Variants in DLG1 observed in about 807,000 individuals in gnomAD.
DLG1 encodes the protein discs large MAGUK scaffold protein 1.
Under a neutral mutation model 123.4 loss-of-function variants are expected in DLG1, and 42 were observed. That is an observed-to-expected ratio of 0.34 (90% confidence interval 0.27 to 0.44). The LOEUF is 0.44. Ranked by LOEUF, DLG1 falls within the 20% of genes least tolerant of loss-of-function variation. The pLI, the probability that DLG1 is intolerant of heterozygous loss-of-function variation, is 1.00. For missense variants in DLG1, 942 were observed against 1,082.6 expected, an observed-to-expected ratio of 0.87 and a Z score of 1.82; for synonymous variants, 317 against 356.2, an observed-to-expected ratio of 0.89 and a Z score of 1.24.
rs558369517 is a variant in DLG1 at position 197,112,575 on chromosome 3, C to T, written c.1443+3352G>A. Reference sequence around the variant, plus strand: ...ATATTTTTTACCACTGTGTGGCTTGCCTATTTGGTTTTTTTCTTTCTTTTT... The same window carrying T: ...ATATTTTTTACCACTGTGTGGCTTGTCTATTTGGTTTTTTTCTTTCTTTTT... On this transcript the variant is annotated intron_variant, in intron 13 of 24. Coordinates refer to ENST00000667157, the MANE Select transcript of DLG1 (RefSeq NM_001366207.1). Among the ~76,000 whole-genome samples, 9 of 151,732 alleles carry T rather than the reference C, an allele frequency of 5.9e-5. 1 individual carries two copies. Among genetic ancestry groups the T allele is most frequent in the Admixed American group, 4.6e-4 (7 of 15,222 alleles).
intron 5 of DLG1, chr3:197,183,960 CA>C: frequency 7.0e-7 from 1 of 1,427,762 alleles, no homozygotes. Context: ...CTCATTTTCT[CA>C]GTGATTTCTT....
chr3:197,135,734 C>T (rs193143295), intron 10 of DLG1, among the ~76,000 whole-genome samples: 4 of 152,030 alleles, frequency 2.6e-5, no homozygotes, highest in Admixed American at 1.3e-4. Context: ...ATGAAAGTCT[C>T]ATACAGTGCA....
chr3:197,252,662 G>A lies in DLG1; in HGVS notation c.318+30017C>T, dbSNP rs116332662. Reference sequence around the variant, plus strand: ...GCAAGATGAAAAGAGTCTGTAGATGGATAGTGGTAACGGCTGCATTTCACA... The same window carrying A: ...GCAAGATGAAAAGAGTCTGTAGATGAATAGTGGTAACGGCTGCATTTCACA... On this transcript the variant is annotated intron_variant, in intron 4 of 24. Coordinates refer to ENST00000667157, the MANE Select transcript of DLG1 (RefSeq NM_001366207.1). 5.4e-3 allele frequency among the ~76,000 whole-genome samples: 828 copies of A among 152,284 alleles called. 7 individuals carry two copies. Among genetic ancestry groups the A allele is most frequent in the African/African-American group, 0.019 (793 of 41,560 alleles).
In DLG1 at chr3:197,136,582, T is replaced by C. The variant is rs764460628; in HGVS notation, c.980A>G (p.His327Arg). ...TCCAATCTGAAGTTTGCCATCCTTATGTGCTGCACCTCCTTCAATTATTTT... is the reference window on the plus strand; with the variant it reads ...TCCAATCTGAAGTTTGCCATCCTTACGTGCTGCACCTCCTTCAATTATTTT... ...VTKIIEGGAAHKDGKLQIGDK... is the reference protein window; with the variant it reads ...VTKIIEGGAARKDGKLQIGDK... The change falls in exon 10 of 25, where the codon CAT becomes CGT. Residue 327 changes from histidine (H) to arginine (R), a missense_variant. Physicochemically the swap from His to Arg is conservative, Grantham distance 29. Transcript: ENST00000667157. The C allele has an allele frequency of 4.3e-6, 7 of 1,613,388 alleles. No individual in the cohort carries two copies. Among genetic ancestry groups the C allele is most frequent in the Non-Finnish European group, 5.1e-6 (6 of 1,179,690 alleles).
chr3:197,113,752 A>G (rs1771452582), intron 13 of DLG1, among the ~76,000 whole-genome samples: 1 of 152,194 alleles, frequency 6.6e-6, no homozygotes, highest in Admixed American at 6.5e-5. Context: ...TTAAGCTGCT[A>G]TAGTTTCAGA....
Position 197,116,094 on chromosome 3 carries a change from A to C in DLG1, c.1287-11T>G, listed in dbSNP as rs1773115740. 1.3e-6 allele frequency: 2 copies of C among 1,588,016 alleles called. No homozygotes were observed. Among genetic ancestry groups the C allele is most frequent in the Non-Finnish European group, 1.7e-6 (2 of 1,172,378 alleles). ...ACTTTTCTAGGTTCCCTAAAAATTAAAAAAAATTGAGTATCTTGGAAATTT... is the reference window on the plus strand; with the variant it reads ...ACTTTTCTAGGTTCCCTAAAAATTACAAAAAATTGAGTATCTTGGAAATTT... On this transcript the variant is annotated splice_polypyrimidine_tract_variant and intron_variant, in intron 12 of 24. Transcript: ENST00000667157.
intron 23 of DLG1, among the ~76,000 whole-genome samples, chr3:197,055,647 T>C (rs576467931): frequency 1.2e-4 from 18 of 152,330 alleles, no homozygotes; most frequent in African/African-American, 3.1e-4. Flanking sequence ...TCATATACTT[T>C]TGAATGTCCT....
At chr3:197,173,721 A>G (rs1805498739) in intron 5 of DLG1, among the ~76,000 whole-genome samples, 1 of 152,256 alleles carries the variant, frequency 6.6e-6, no homozygotes, top group South Asian at 2.1e-4. Context: ...ACCATGCAGT[A>G]ATTGTTGCAA....
rs1008846075 is a variant in DLG1, at chr3:197,080,120, G to A, written c.1905+931C>T. ...ACTGCAGTGAGTTCAGGATTATTAA[G>A]AATTACATCCACCAATACGGGATGA... On this transcript the variant is annotated intron_variant, in intron 17 of 24. Transcript: ENST00000667157. Among the ~76,000 whole-genome samples, 3 of 151,690 alleles carry A rather than the reference G, an allele frequency of 2.0e-5. 1 individual carries two copies. In the South Asian group the frequency reaches 6.2e-4, roughly 32 times the overall value.
rs774456025 is a variant in DLG1, at chr3:197,280,563, T to C, written c.318+2116A>G. Among the ~76,000 whole-genome samples the C allele has an allele frequency of 2.6e-5, 4 of 152,218 alleles. No individual in the cohort carries two copies. The East Asian group carries it at 7.7e-4, about 29-fold the overall frequency. On this transcript the variant is annotated intron_variant, in intron 4 of 24. Coordinates refer to ENST00000667157, the MANE Select transcript of DLG1 (RefSeq NM_001366207.1). ...TTTTAGTTTTTTTGAGAAACCTGCA[T>C]ACTGTTTTCCATAATGGCTGTAATA...
intron 23 of DLG1, among the ~76,000 whole-genome samples, chr3:197,057,516 C>T (rs1337675219): frequency 1.3e-5 from 2 of 152,226 alleles, no homozygotes; most frequent in African/African-American, 4.8e-5. Context: ...CTTTAGGAGA[C>T]ACTATGATAC....
At position 197,072,799 on chromosome 3, in the gene DLG1, T is replaced by C. The variant is rs191212192; in HGVS notation, c.2006-3539A>G. Among the ~76,000 whole-genome samples, 5 of 152,244 alleles carry C rather than the reference T, an allele frequency of 3.3e-5. No homozygotes were observed. The East Asian group carries it at 9.6e-4, about 29-fold the overall frequency. On this transcript the variant is annotated intron_variant, in intron 18 of 24. Transcript: ENST00000667157. ...CCTTCACCTCCCGGGTTCAAGTGAT[T>C]CTCCTGCCTCAGCCTCCCTCCCGAG... is the stretch of plus-strand genomic sequence containing the variant.
At chr3:197,173,520 G>A in intron 5 of DLG1, among the ~76,000 whole-genome samples, 1 of 151,984 alleles carries the variant, frequency 6.6e-6, no homozygotes, top group Middle Eastern at 3.2e-3. Context: ...TCTAAAGATG[G>A]TACACTTACC....
chr3:197,214,486 T>C (rs950287408), intron 4 of DLG1, among the ~76,000 whole-genome samples: 3 of 151,840 alleles, frequency 2.0e-5, no homozygotes, highest in South Asian at 4.2e-4. Context: ...GGCAGGAGAA[T>C]GGCGTGAACC....
chr3:197,239,843 T>TAAAAAAAAAAAAAAAAAA (rs3035903), intron 4 of DLG1, among the ~76,000 whole-genome samples: 2 of 133,998 alleles, frequency 1.5e-5, no homozygotes, highest in African/African-American at 5.7e-5. Context: ...ACAGAAAAGT[T>TAAAAAAAAAAAAAAAAAA]AAAAAAAAAA....
At chr3:197,101,189 A>AAATCTTAAC (rs1763235983) in intron 14 of DLG1, among the ~76,000 whole-genome samples, 2 of 152,234 alleles carry the variant, frequency 1.3e-5, no homozygotes, top group Non-Finnish European at 1.5e-5. Context: ...GGGCTAGAAG[A>AAATCTTAAC]AATCTTAACC....
chr3:197,248,610 T>C (rs1048290941), intron 4 of DLG1, among the ~76,000 whole-genome samples: 1 of 152,236 alleles, frequency 6.6e-6, no homozygotes, highest in Non-Finnish European at 1.5e-5. Context: ...CAGGGGTTTT[T>C]ATTCCTAACG....
In DLG1 at chr3:197,282,949, G is replaced by C. The variant is rs144638907; in HGVS notation, c.152-104C>G. 9.1e-4 allele frequency: 555 copies of C among 611,918 alleles called. 3 individuals are homozygous for C. The African/African-American group carries it at 9.2e-3, about 10-fold the overall frequency. 37.9% of individuals were successfully genotyped at this position (611,918 alleles called of 1,614,324 possible). Reference sequence around the variant, plus strand: ...AAAGCACAATTTTTACTCTAGATTAGTAAATCAATTCCCATCGTATAATGT... The same window carrying C: ...AAAGCACAATTTTTACTCTAGATTACTAAATCAATTCCCATCGTATAATGT... On this transcript the variant is annotated intron_variant, in intron 3 of 24. Transcript: ENST00000667157.
intron 7 of DLG1, among the ~76,000 whole-genome samples, 189 bp from the exon 8 acceptor site, chr3:197,140,453 G>C (rs1466292202): frequency 6.6e-6 from 1 of 152,202 alleles, no homozygotes. Flanking sequence ...AGGCATTACT[G>C]CTGAACAGGT....
Sources: allele counts gnomAD v4.1 joint callset (sites outside exome capture counted in the v4.1 genomes callset), GRCh38; gene constraint gnomAD v4.1.1; transcripts MANE v1.5; gene names NCBI Gene and HGNC (gene_info 2026-07-23, HGNC 2026-07-21).